The following IL1RAPL2 variants were observed in gnomAD, a reference collection of about 807,000 sequenced individuals.
IL1RAPL2 encodes the protein X-linked interleukin-1 receptor accessory protein-like 2.
Under a neutral mutation model 44.1 loss-of-function variants are expected in IL1RAPL2, and 3 were observed. That is an observed-to-expected ratio of 0.07 (90% CI 0.03 to 0.18). The LOEUF is 0.18. IL1RAPL2 is among the 10% of genes least tolerant of loss of function. The pLI is 1.00. For synonymous variants in IL1RAPL2, 181 were observed against 178.8 expected (o/e 1.01, Z -0.10); for missense variants, 391 against 496.4 (o/e 0.79, Z 2.02).
intron 2 of IL1RAPL2, among the ~76,000 whole-genome samples, chrX:104,671,432 T>G (rs1482130097): frequency 8.9e-6 from 1 of 112,100 alleles, no homozygotes; most frequent in Non-Finnish European, 1.9e-5. Flanking sequence ...ACTATTCATC[T>G]TTGAAGAACC....
At chrX:105,758,199 T>C (rs1039372339) in intron 10 of IL1RAPL2, among the ~76,000 whole-genome samples, 1 of 111,789 alleles carries the variant, frequency 8.9e-6, no homozygotes, top group African/African-American at 3.2e-5. Context: ...TTGAGGACTA[T>C]GAAAGCAGAC....
intron 5 of IL1RAPL2, among the ~76,000 whole-genome samples, chrX:105,305,349 TAC>T (rs760062576): frequency 7.2e-5 from 8 of 111,113 alleles, no homozygotes; most frequent in South Asian, 3.8e-4. Context: ...TTCACACACA[TAC>T]ACACACACAC....
At chrX:105,583,741 C>A (rs1185135998) in intron 6 of IL1RAPL2, among the ~76,000 whole-genome samples, 1 of 111,401 alleles carries the variant, frequency 9.0e-6, no homozygotes, top group African/African-American at 3.3e-5. Context: ...ATTTCTGTTT[C>A]ATTTATTTCT....
In IL1RAPL2 at chrX:105,043,912, A is replaced by G. The variant is rs774421340; in HGVS notation, c.83-151563A>G. Among the ~76,000 whole-genome samples the G allele has an allele frequency of 3.6e-5, 4 of 112,388 alleles. No homozygotes were observed. In the South Asian group the frequency reaches 1.5e-3, roughly 41 times the overall value. On this transcript the variant is annotated intron_variant, in intron 2 of 10. Coordinates refer to ENST00000372582, the MANE Select transcript of IL1RAPL2 (RefSeq NM_017416.2). ...GTCTAAATAATAACAACAAACTAAA[A>G]TTCTAGAATTATTGAGTCTGATTTT...
intron 2 of IL1RAPL2, among the ~76,000 whole-genome samples, chrX:104,885,951 C>T (rs987152068): frequency 8.9e-6 from 1 of 112,811 alleles, no homozygotes; most frequent in Non-Finnish European, 1.9e-5. Context: ...ACCGAGGGTG[C>T]CCGGGCAAGC....
At chrX:105,589,492 G>A (rs1247337593) in intron 6 of IL1RAPL2, among the ~76,000 whole-genome samples, 2 of 111,260 alleles carry the variant, frequency 1.8e-5, no homozygotes, top group Admixed American at 1.9e-4. Flanking sequence ...TTTATCCTAG[G>A]GTTTTTCGTA....
intron 5 of IL1RAPL2, among the ~76,000 whole-genome samples, chrX:105,333,608 C>G (rs2035004639): frequency 9.0e-6 from 1 of 111,461 alleles, no homozygotes; most frequent in Non-Finnish European, 1.9e-5. Flanking sequence ...TATTTGCAAA[C>G]AAGCCATTTG....
intron 2 of IL1RAPL2, among the ~76,000 whole-genome samples, chrX:104,680,453 A>G (rs934965460): frequency 9.0e-6 from 1 of 111,502 alleles, no homozygotes; most frequent in South Asian, 3.8e-4. Context: ...TAAGCATACA[A>G]TTTGTGCAGC....
intron 9 of IL1RAPL2, among the ~76,000 whole-genome samples, chrX:105,753,392 ACTAT>A (rs1051603088): frequency 1.2e-4 from 13 of 111,858 alleles, no homozygotes; most frequent in African/African-American, 1.9e-4. Context: ...AGGCAGCAAC[ACTAT>A]CTATCAAGAA....
At chrX:104,680,233 C>G (rs1008775032) in intron 2 of IL1RAPL2, among the ~76,000 whole-genome samples, 1 of 111,600 alleles carries the variant, frequency 9.0e-6, no homozygotes. Flanking sequence ...TTGTGAACTC[C>G]TATTAATGGG....
chrX:104,573,670 T>G (rs756420144), intron 1 of IL1RAPL2, among the ~76,000 whole-genome samples: 4 of 112,221 alleles, frequency 3.6e-5, no homozygotes, highest in Middle Eastern at 4.6e-3. Flanking sequence ...GATAAAACTC[T>G]GAAGAAGAAA....
chrX:105,531,830 T>C (rs1204134457), intron 6 of IL1RAPL2, among the ~76,000 whole-genome samples: 2 of 111,862 alleles, frequency 1.8e-5, no homozygotes, highest in Non-Finnish European at 3.8e-5. Flanking sequence ...TCCCCAGTGT[T>C]TGTTCTTGGC....
At chrX:105,059,364 G>A (rs991640523) in intron 2 of IL1RAPL2, among the ~76,000 whole-genome samples, 1 of 111,555 alleles carries the variant, frequency 9.0e-6, no homozygotes, top group African/African-American at 3.3e-5. Context: ...ACAGATGAGT[G>A]AGAAAATATG....
At chrX:104,740,767 A>C (rs2038499831) in intron 2 of IL1RAPL2, among the ~76,000 whole-genome samples, 1 of 111,389 alleles carries the variant, frequency 9.0e-6, no homozygotes, top group African/African-American at 3.2e-5. Context: ...CATATGATGA[A>C]CTTCATTTAT....
intron 2 of IL1RAPL2, among the ~76,000 whole-genome samples, chrX:104,675,250 C>T (rs1163157078): frequency 1.8e-5 from 2 of 110,922 alleles, no homozygotes; most frequent in Non-Finnish European, 3.8e-5. Context: ...CTATAAATTT[C>T]CCTCTACACA....
rs781123097 is a variant in IL1RAPL2, at chrX:105,152,543, TTTACATGGGCC to T, written c.83-42928_83-42918del. Among the ~76,000 whole-genome samples the T allele has an allele frequency of 5.3e-3, 590 of 111,672 alleles. 5 individuals carry two copies. The highest frequency in any genetic ancestry group is 0.019 in the African/African-American group (567 of 30,375). Reference sequence around the variant, plus strand: ...AAATCTTCTGACTATCCATATGTAGTTTACATGGGCCTTATTCAAAATCACTTAAAAGTCTA... The same window carrying T: ...AAATCTTCTGACTATCCATATGTAGTTTATTCAAAATCACTTAAAAGTCTA... On this transcript the variant is annotated intron_variant, in intron 2 of 10. Transcript: ENST00000372582.
chrX:104,843,993 G>C (rs1921977375), intron 2 of IL1RAPL2, among the ~76,000 whole-genome samples: 1 of 110,368 alleles, frequency 9.1e-6, no homozygotes, highest in Non-Finnish European at 1.9e-5. Context: ...GTGGAACTGA[G>C]CAACATTTCT....
At chrX:105,035,955 C>A (rs1569366546) in intron 2 of IL1RAPL2, among the ~76,000 whole-genome samples, 2 of 111,261 alleles carry the variant, frequency 1.8e-5, no homozygotes, top group Non-Finnish European at 3.8e-5. Context: ...CACAGCATTG[C>A]TTTTTTTTGT....
intron 1 of IL1RAPL2, among the ~76,000 whole-genome samples, chrX:104,626,296 ATGCGTGTGTGTGTG>A (rs1350815450): frequency 4.2e-5 from 3 of 72,286 alleles, no homozygotes; most frequent in Non-Finnish European, 7.2e-5. Context: ...TGACTGTCTC[ATGCGTGTGTGTGTG>A]TGCGTGTGTG....
Sources: allele counts gnomAD v4.1 joint callset (sites outside exome capture counted in the v4.1 genomes callset), GRCh38; gene constraint gnomAD v4.1.1; transcripts MANE v1.5; gene names NCBI Gene and HGNC (gene_info 2026-07-23, HGNC 2026-07-21).